PCCA: variants seen among roughly 807,000 people sequenced by gnomAD.
The protein encoded by PCCA is propionyl-CoA carboxylase alpha chain, mitochondrial.
In PCCA, 74 loss-of-function variants were observed where a neutral mutation model predicts 101.3. The ratio of observed to expected loss-of-function variants is 0.73; its 90% confidence interval spans 0.61 to 0.89. The LOEUF (loss-of-function observed/expected upper bound fraction) is 0.89, where lower values mean the gene tolerates loss of function less well. Among genes scored for constraint, PCCA ranks in the 40% least tolerant of loss-of-function variants. The pLI, the probability that PCCA is intolerant of heterozygous loss-of-function variation, is 0.00. For synonymous variants in PCCA, 294 were observed against 313.6 expected, an observed-to-expected ratio of 0.94 and a Z score of 0.66; for missense variants, 891 against 907.0, an observed-to-expected ratio of 0.98 and a Z score of 0.23.
At chr13:100,151,090 A>C (rs1160016881) in intron 4 of PCCA, 7 of 1,500,782 alleles carry the variant, frequency 4.7e-6, no homozygotes, top group Non-Finnish European at 6.5e-6. Context: ...ACTCGTATGC[A>C]CCCATCTTGG....
chr13:100,248,530 C>G (rs886456485), intron 8 of PCCA, among the ~76,000 whole-genome samples: 3 of 152,124 alleles, frequency 2.0e-5, no homozygotes, highest in African/African-American at 7.2e-5. Context: ...TTTCAGTTTG[C>G]AGTTCCCTCA....
chr13:100,129,015 C>T (rs551737552), intron 4 of PCCA, among the ~76,000 whole-genome samples: 135 of 152,278 alleles, frequency 8.9e-4, no homozygotes, highest in African/African-American at 3.2e-3. Flanking sequence ...CTCTCTGTGA[C>T]GTCTCTAGTT....
chr13:100,191,791 T>C (rs1402958197), intron 6 of PCCA, among the ~76,000 whole-genome samples: 1 of 152,198 alleles, frequency 6.6e-6, no homozygotes, highest in African/African-American at 2.4e-5. Flanking sequence ...TGCTACAACA[T>C]TGTGAGAATA....
At chr13:100,126,080 G>A (rs2049924870) in intron 4 of PCCA, among the ~76,000 whole-genome samples, 1 of 152,132 alleles carries the variant, frequency 6.6e-6, no homozygotes, top group Admixed American at 6.5e-5. Context: ...TATGTTAAAT[G>A]GCTCCCATGC....
At chr13:100,137,398 C>T (rs2051312628) in intron 4 of PCCA, among the ~76,000 whole-genome samples, 1 of 152,150 alleles carries the variant, frequency 6.6e-6, no homozygotes, top group Non-Finnish European at 1.5e-5. Context: ...TCCTCTATAT[C>T]CATGCCAATT....
intron 21 of PCCA, among the ~76,000 whole-genome samples, chr13:100,459,658 G>A (rs2082041586): frequency 6.6e-6 from 1 of 152,190 alleles, no homozygotes. Flanking sequence ...GAACATCAGA[G>A]GACCTTGAGA....
At chr13:100,413,075 G>A (rs2078151119) in intron 19 of PCCA, among the ~76,000 whole-genome samples, 1 of 152,150 alleles carries the variant, frequency 6.6e-6, no homozygotes, top group Non-Finnish European at 1.5e-5. Context: ...CAAACCTGCT[G>A]GAAAATCCTT....
chr13:100,196,669 C>G (rs975679293), intron 6 of PCCA, among the ~76,000 whole-genome samples: 5 of 152,090 alleles, frequency 3.3e-5, no homozygotes, highest in Admixed American at 1.3e-4. Context: ...GTACAGTGTA[C>G]TATAAATTAA....
intron 21 of PCCA, among the ~76,000 whole-genome samples, chr13:100,475,169 TCC>T (rs1392211106): frequency 5.3e-5 from 8 of 152,146 alleles, no homozygotes; most frequent in Admixed American, 2.0e-4. Flanking sequence ...TGCTTCAGCC[TCC>T]CAAGTAAGTG....
intron 19 of PCCA, among the ~76,000 whole-genome samples, chr13:100,369,283 CTCT>C (rs2075412440): frequency 6.6e-6 from 1 of 152,132 alleles, no homozygotes; most frequent in African/African-American, 2.4e-5. Context: ...ATCTACATTT[CTCT>C]TCTTACGGCT....
intron 22 of PCCA, among the ~76,000 whole-genome samples, chr13:100,525,002 T>TAGATAGATAGAC (rs2087656877): frequency 6.6e-6 from 1 of 151,150 alleles, no homozygotes; most frequent in African/African-American, 2.5e-5. Context: ...GATAGATAGA[T>TAGATAGATAGAC]AGATAGATAG....
intron 18 of PCCA, among the ~76,000 whole-genome samples, chr13:100,354,145 A>C (rs972653210): frequency 3.3e-5 from 5 of 149,832 alleles, no homozygotes; most frequent in Non-Finnish European, 7.4e-5. Flanking sequence ...GTGTGGTGGC[A>C]CACACTTGTA....
intron 4 of PCCA, among the ~76,000 whole-genome samples, chr13:100,114,628 A>G (rs1470795390): frequency 1.3e-5 from 2 of 152,204 alleles, no homozygotes; most frequent in Non-Finnish European, 2.9e-5. Flanking sequence ...AAAGATCTGA[A>G]TAGTCATTTC....
intron 1 of PCCA, among the ~76,000 whole-genome samples, chr13:100,094,900 T>C (rs1188393692): frequency 1.3e-5 from 2 of 152,190 alleles, no homozygotes; most frequent in African/African-American, 4.8e-5. Context: ...TCTTTGGTAT[T>C]ATTTATTCAA....
At chr13:100,277,654 T>A (rs569385289) in intron 12 of PCCA, among the ~76,000 whole-genome samples, 19 of 152,204 alleles carry the variant, frequency 1.2e-4, no homozygotes, top group Non-Finnish European at 2.5e-4. Flanking sequence ...TCACTTTTCC[T>A]TTCCAAATCT....
intron 8 of PCCA, among the ~76,000 whole-genome samples, chr13:100,252,540 T>C (rs369941471): frequency 1.7e-3 from 253 of 152,336 alleles, no homozygotes; most frequent in African/African-American, 5.8e-3. Flanking sequence ...GTTGCATCAA[T>C]AGGGTGTCAT....
chr13:100,157,441 A>T (rs764616731), intron 6 of PCCA, 101 bp downstream of exon 6: 40 of 804,188 alleles, frequency 5.0e-5, no homozygotes, highest in Non-Finnish European at 7.5e-5. Context: ...TAGAATTTTA[A>T]TTAACCCAGC....
At chr13:100,413,533 G>A (rs1313874177) in intron 19 of PCCA, among the ~76,000 whole-genome samples, 1 of 152,184 alleles carries the variant, frequency 6.6e-6, no homozygotes, top group Non-Finnish European at 1.5e-5. Flanking sequence ...GAGAAAAATA[G>A]ATCTCTAATA....
At chr13:100,396,419 A>G (rs1461718073) in intron 19 of PCCA, among the ~76,000 whole-genome samples, 1 of 152,236 alleles carries the variant, frequency 6.6e-6, no homozygotes, top group Non-Finnish European at 1.5e-5. Context: ...AGCACCCCAG[A>G]AATGATTTCT....
Sources: allele counts gnomAD v4.1 joint callset (sites outside exome capture counted in the v4.1 genomes callset), GRCh38; gene constraint gnomAD v4.1.1; transcripts MANE v1.5; gene names NCBI Gene and HGNC (gene_info 2026-07-23, HGNC 2026-07-21).